FAM174A: variants seen among roughly 807,000 people sequenced by gnomAD.
FAM174A encodes family with sequence similarity 174 member A.
A neutral mutation model predicts 14.3 loss-of-function variants in FAM174A; 14 were observed. The observed-to-expected ratio is 0.98, with a 90% confidence interval of 0.65 to 1.53. The LOEUF (loss-of-function observed/expected upper bound fraction) is 1.53, where lower values mean the gene tolerates loss of function less well. Among genes scored for constraint, FAM174A ranks in the 40% most tolerant of loss-of-function variants. The pLI is 0.00. For synonymous variants in FAM174A, 108 were observed against 111.4 expected, an observed-to-expected ratio of 0.97 and a Z score of 0.19; for missense variants, 241 against 249.6, an observed-to-expected ratio of 0.97 and a Z score of 0.23.
chr5:100,548,558 G>A (rs1746205220), intron 1 of FAM174A, among the ~76,000 whole-genome samples: 1 of 151,978 alleles, frequency 6.6e-6, no homozygotes. Flanking sequence ...AGATTCATTA[G>A]GAATACAATT....
chr5:100,583,808 AT>A (rs1249205580), intron 2 of FAM174A, among the ~76,000 whole-genome samples: 3 of 152,140 alleles, frequency 2.0e-5, no homozygotes, highest in Non-Finnish European at 4.4e-5. Context: ...AGCATCTTCA[AT>A]GGTATATTCC....
intron 1 of FAM174A, among the ~76,000 whole-genome samples, chr5:100,541,833 T>C (rs1746058360): frequency 6.6e-6 from 1 of 152,168 alleles, no homozygotes. Flanking sequence ...TTCATGGATA[T>C]TTTCCCCTTT....
intron 1 of FAM174A, among the ~76,000 whole-genome samples, chr5:100,560,743 A>G (rs1235560010): frequency 6.6e-6 from 1 of 152,040 alleles, no homozygotes; most frequent in Admixed American, 6.6e-5. Flanking sequence ...CTTATCCCAC[A>G]TATGTCAAAC....
At chr5:100,536,078 T>A in intron 1 of FAM174A, 114 bp downstream of exon 1, 1 of 908,518 alleles carries the variant, frequency 1.1e-6, no homozygotes, top group Non-Finnish European at 1.6e-6. Flanking sequence ...CAGGGACTCC[T>A]GCTTAAGAAT....
At chr5:100,545,445 T>A (rs1223118989) in intron 1 of FAM174A, among the ~76,000 whole-genome samples, 4 of 152,110 alleles carry the variant, frequency 2.6e-5, no homozygotes, top group African/African-American at 9.7e-5. Context: ...TGGTATAGAG[T>A]TGAAAATTCA....
At chr5:100,583,566 C>T (rs1747061237) in intron 2 of FAM174A, among the ~76,000 whole-genome samples, 1 of 152,116 alleles carries the variant, frequency 6.6e-6, no homozygotes, top group Non-Finnish European at 1.5e-5. Flanking sequence ...ATTTTCTGTT[C>T]ATTGTTCCAT....
At chr5:100,543,143 A>T (rs2112365812) in intron 1 of FAM174A, among the ~76,000 whole-genome samples, 1 of 152,236 alleles carries the variant, frequency 6.6e-6, no homozygotes, top group East Asian at 1.9e-4. Flanking sequence ...CATTAGATAT[A>T]CTAGCTGCAT....
At position 100,535,723 on chromosome 5, in the gene FAM174A, C is replaced by A; in HGVS notation, c.193C>A (p.Gln65Lys). Residue 65 changes from glutamine (Q) to lysine (K), a missense_variant, in exon 1 of 3, where the codon CAG (glutamine) becomes AAG (lysine). Physicochemically the swap from Gln to Lys is moderately conservative, Grantham distance 53. Coordinates refer to ENST00000312637, the MANE Select transcript of FAM174A (RefSeq NM_198507.3). ...PLPPGPTPAQ[Q>K]PGRGLAEAAG... ...GCCACCGGGCCCTACCCCTGCCCAGCAGCCGGGCCGTGGTCTGGCTGAAGC... is the reference window on the plus strand; with the variant it reads ...GCCACCGGGCCCTACCCCTGCCCAGAAGCCGGGCCGTGGTCTGGCTGAAGC... 1 of 1,605,028 alleles carries A rather than the reference C, an allele frequency of 6.2e-7. No individual in the cohort carries two copies. Among genetic ancestry groups the A allele is most frequent in the Non-Finnish European group, 8.5e-7 (1 of 1,177,220 alleles).
At chr5:100,582,110 C>G (rs1165051124) in intron 2 of FAM174A, among the ~76,000 whole-genome samples, 1 of 152,038 alleles carries the variant, frequency 6.6e-6, no homozygotes, top group Non-Finnish European at 1.5e-5. Context: ...GTTTATGAAA[C>G]TGCAATTTTG....
At chr5:100,570,676 G>T (rs1746760332) in intron 2 of FAM174A, among the ~76,000 whole-genome samples, 1 of 151,902 alleles carries the variant, frequency 6.6e-6, no homozygotes, top group African/African-American at 2.4e-5. Flanking sequence ...ATTGCAGAGG[G>T]AATTAAGATT....
intron 2 of FAM174A, among the ~76,000 whole-genome samples, chr5:100,585,217 ATAC>A (rs753079132): frequency 2.6e-5 from 4 of 152,224 alleles, no homozygotes; most frequent in Non-Finnish European, 5.9e-5. Flanking sequence ...TTATGATTTA[ATAC>A]TACATCTTTA....
rs140265781 is a variant in FAM174A at position 100,580,848 on chromosome 5, C to A, written c.570-5333C>A. On this transcript the variant is annotated intron_variant, in intron 2 of 2. Coordinates refer to ENST00000312637, the MANE Select transcript of FAM174A (RefSeq NM_198507.3). Reference sequence around the variant, plus strand: ...ATCCCTGCCATTCTTGCCAAAAGAGCGTCCTGTTAACAGACCCACTAAGAT... The same window carrying A: ...ATCCCTGCCATTCTTGCCAAAAGAGAGTCCTGTTAACAGACCCACTAAGAT... Among the ~76,000 whole-genome samples the A allele has an allele frequency of 1.4e-3, 215 of 152,210 alleles. 1 individual carries two copies. The highest frequency in any genetic ancestry group is 5.0e-3 in the African/African-American group (209 of 41,528).
chr5:100,554,965 A>G (rs1746341795), intron 1 of FAM174A, among the ~76,000 whole-genome samples: 3 of 152,016 alleles, frequency 2.0e-5, no homozygotes, highest in Non-Finnish European at 4.4e-5. Flanking sequence ...TTTAGGGTAC[A>G]TGTGCACAAC....
chr5:100,566,667 C>A (rs773735742), intron 2 of FAM174A, among the ~76,000 whole-genome samples: 3 of 151,708 alleles, frequency 2.0e-5, no homozygotes, highest in African/African-American at 7.3e-5. Flanking sequence ...GATTGTTTCA[C>A]GTAGTATATG....
rs114276689 is a variant in FAM174A, at chr5:100,549,821, C to T, written c.435-12233C>T. Among the ~76,000 whole-genome samples the T allele has an allele frequency of 6.2e-3, 935 of 151,952 alleles. 14 individuals carry two copies. The highest frequency in any genetic ancestry group is 0.022 in the African/African-American group (895 of 41,444). ...AGGAATTCAAAACTACAATAATCTG[C>T]GAACTTCAACATGGAGTCATATACA... On this transcript the variant is annotated intron_variant, in intron 1 of 2. Transcript: ENST00000312637.
At chr5:100,539,998 A>G (rs1746017431) in intron 1 of FAM174A, among the ~76,000 whole-genome samples, 1 of 152,082 alleles carries the variant, frequency 6.6e-6, no homozygotes, top group African/African-American at 2.4e-5. Context: ...CCCTCATCCA[A>G]AGATTTTCCT....
intron 1 of FAM174A, among the ~76,000 whole-genome samples, chr5:100,554,536 C>G (rs190162602): frequency 1.3e-5 from 2 of 152,114 alleles, no homozygotes; most frequent in East Asian, 1.9e-4. Context: ...AGGCTTGTCA[C>G]AAACTCCTGA....
At chr5:100,569,166 A>G (rs1746724773) in intron 2 of FAM174A, among the ~76,000 whole-genome samples, 1 of 151,832 alleles carries the variant, frequency 6.6e-6, no homozygotes, top group African/African-American at 2.4e-5. Context: ...TGACAGAAAC[A>G]TGTATTTCTT....
intron 2 of FAM174A, among the ~76,000 whole-genome samples, chr5:100,569,214 A>C (rs950607689): frequency 1.3e-5 from 2 of 151,830 alleles, no homozygotes; most frequent in South Asian, 4.1e-4. Flanking sequence ...GTAATATGCT[A>C]TATATGCTGT....
Sources: gnomAD v4.1 joint callset for allele counts (sites outside exome capture counted in the v4.1 genomes callset) on GRCh38, gnomAD v4.1.1 for gene constraint, MANE v1.5 for transcripts, NCBI Gene and HGNC (gene_info 2026-07-23, HGNC 2026-07-21) for gene names.